ADAMTS16: variants seen among roughly 807,000 people sequenced by gnomAD.
ADAMTS16 encodes A disintegrin and metalloproteinase with thrombospondin motifs 16.
Under a neutral mutation model 145.8 loss-of-function variants are expected in ADAMTS16, and 94 were observed. That is an observed-to-expected ratio of 0.64 (90% CI 0.55 to 0.77). The LOEUF (loss-of-function observed/expected upper bound fraction) is 0.77, where lower values mean the gene tolerates loss of function less well. ADAMTS16 is among the 30% of genes least tolerant of loss of function. The probability of loss-of-function intolerance (pLI) is 0.00; values close to 1 mark genes in which losing one functional copy is unlikely to be tolerated. For missense variants in ADAMTS16, 1,585 were observed against 1,591.5 expected, an observed-to-expected ratio of 1.00 and a Z score of 0.07; for synonymous variants, 659 against 604.3, an observed-to-expected ratio of 1.09 and a Z score of -1.33.
intron 18 of ADAMTS16, among the ~76,000 whole-genome samples, chr5:5,301,592 A>C (rs1000305291): frequency 2.0e-5 from 3 of 152,212 alleles, no homozygotes; most frequent in African/African-American, 7.2e-5. Context: ...CACTTCTCCC[A>C]GGTGCCGTGG....
chr5:5,292,249 C>A (rs1052472994), intron 18 of ADAMTS16, among the ~76,000 whole-genome samples: 3 of 152,060 alleles, frequency 2.0e-5, no homozygotes, highest in Admixed American at 6.5e-5. Flanking sequence ...TAATCCCAGC[C>A]CTTTAAGAGG....
At chr5:5,278,924 C>A (rs1444094984) in intron 18 of ADAMTS16, among the ~76,000 whole-genome samples, 5 of 150,894 alleles carry the variant, frequency 3.3e-5, no homozygotes, top group African/African-American at 4.9e-5. Context: ...ACCAAACAAA[C>A]AAAAAAAACA....
Position 5,189,955 on chromosome 5 carries a change from C to T in ADAMTS16, c.1048-16C>T. On this transcript the variant is annotated splice_polypyrimidine_tract_variant and intron_variant, in intron 6 of 22. Transcript: ENST00000274181. The stretch of plus-strand genomic sequence containing the variant: ...CTTCATTATCATGGGGTCCTCGGTC[C>T]TTGTCTCTTGCACAGCCAGGACTGG... 1 of 1,609,670 alleles carries T rather than the reference C, an allele frequency of 6.2e-7. No homozygotes were observed. The highest frequency in any genetic ancestry group is 8.5e-7 in the Non-Finnish European group (1 of 1,178,446).
At chr5:5,165,779 T>C (rs568640621) in intron 3 of ADAMTS16, among the ~76,000 whole-genome samples, 1 of 152,254 alleles carries the variant, frequency 6.6e-6, no homozygotes, top group Admixed American at 6.5e-5. Context: ...GGAGTGAGTG[T>C]GAGTGCAAAA....
At chr5:5,303,198 T>G (rs1050335603) in intron 18 of ADAMTS16, 70 bp from the exon 19 acceptor site, 3 of 1,440,684 alleles carry the variant, frequency 2.1e-6, no homozygotes, top group Non-Finnish European at 1.8e-6. Context: ...TGCCTCCACA[T>G]CAGATGTGGG....
At chr5:5,164,473 G>A (rs1734813924) in intron 3 of ADAMTS16, among the ~76,000 whole-genome samples, 1 of 152,182 alleles carries the variant, frequency 6.6e-6, no homozygotes, top group Admixed American at 6.5e-5. Context: ...TAGCCCTTCA[G>A]TCAGCCTTCT....
At chr5:5,255,604 G>A (rs1488845222) in intron 17 of ADAMTS16, among the ~76,000 whole-genome samples, 1 of 152,228 alleles carries the variant, frequency 6.6e-6, no homozygotes, top group Non-Finnish European at 1.5e-5. Context: ...GGAGCATGTG[G>A]CTTCTCACTC....
chr5:5,244,843 C>T (rs1168768900), intron 17 of ADAMTS16, among the ~76,000 whole-genome samples: 1 of 152,186 alleles, frequency 6.6e-6, no homozygotes, highest in Non-Finnish European at 1.5e-5. Context: ...TACACGTAGG[C>T]GGTGCTCATG....
chr5:5,294,675 C>T (rs1466544396), intron 18 of ADAMTS16, among the ~76,000 whole-genome samples: 1 of 152,242 alleles, frequency 6.6e-6, no homozygotes, highest in Non-Finnish European at 1.5e-5. Context: ...TTAACCTGGA[C>T]TCAGCCAACA....
At chr5:5,285,145 G>GT (rs201363262) in intron 18 of ADAMTS16, among the ~76,000 whole-genome samples, 84 of 152,252 alleles carry the variant, frequency 5.5e-4, no homozygotes, top group African/African-American at 1.8e-3. Context: ...AGAGAGATGT[G>GT]TTTTTTTAAA....
At chr5:5,230,317 A>G (rs1736886132) in intron 11 of ADAMTS16, among the ~76,000 whole-genome samples, 1 of 152,240 alleles carries the variant, frequency 6.6e-6, no homozygotes, top group Admixed American at 6.5e-5. Context: ...TTGTGATTCT[A>G]TGTTAACTGA....
chr5:5,169,162 A>G (rs574438754), intron 3 of ADAMTS16, among the ~76,000 whole-genome samples: 59 of 152,280 alleles, frequency 3.9e-4, no homozygotes, highest in African/African-American at 1.4e-3. Flanking sequence ...ATAAACTAAT[A>G]CCTATGAAAT....
At chr5:5,199,301 A>G (rs1212127168) in intron 8 of ADAMTS16, among the ~76,000 whole-genome samples, 1 of 152,184 alleles carries the variant, frequency 6.6e-6, no homozygotes, top group African/African-American at 2.4e-5. Flanking sequence ...TAGGATCTCA[A>G]CACCTCTGAT....
intron 17 of ADAMTS16, among the ~76,000 whole-genome samples, chr5:5,245,850 T>G (rs1004001584): frequency 1.3e-5 from 2 of 152,204 alleles, no homozygotes; most frequent in Non-Finnish European, 1.5e-5. Context: ...TTTGACAGTT[T>G]CTTTTTTCTC....
chr5:5,231,256 T>C (rs867224047), intron 11 of ADAMTS16, among the ~76,000 whole-genome samples: 27 of 152,218 alleles, frequency 1.8e-4, no homozygotes, highest in African/African-American at 6.5e-4. Context: ...GATGAGGCTT[T>C]ACTCTTCAGA....
chr5:5,318,321 G>T, intron 22 of ADAMTS16, 40 bp downstream of exon 22: 1 of 1,366,030 alleles, frequency 7.3e-7, no homozygotes, highest in Non-Finnish European at 9.6e-7. Context: ...TGGGCATGGG[G>T]CTGGAATGTC....
At chr5:5,233,234 C>G (rs1235440573) in intron 12 of ADAMTS16, among the ~76,000 whole-genome samples, 2 of 152,150 alleles carry the variant, frequency 1.3e-5, no homozygotes, top group African/African-American at 2.4e-5. Flanking sequence ...ATATATTTAC[C>G]TTCACAACAG....
At chr5:5,278,345 A>G (rs750625884) in intron 18 of ADAMTS16, among the ~76,000 whole-genome samples, 3 of 152,214 alleles carry the variant, frequency 2.0e-5, no homozygotes, top group African/African-American at 4.8e-5. Flanking sequence ...ATTGCAGGTG[A>G]GGACTTGGCC....
chr5:5,151,718 G>A (rs943768201), intron 3 of ADAMTS16, among the ~76,000 whole-genome samples: 6 of 132,156 alleles, frequency 4.5e-5, no homozygotes, highest in African/African-American at 1.7e-4. Flanking sequence ...GTGTGTGTGT[G>A]TGTGTGTATG....
Sources: allele counts gnomAD v4.1 joint callset (sites outside exome capture counted in the v4.1 genomes callset), GRCh38; gene constraint gnomAD v4.1.1; transcripts MANE v1.5; gene names NCBI Gene and HGNC (gene_info 2026-07-23, HGNC 2026-07-21).